The following GPR176 variants were observed in gnomAD, a reference collection of about 807,000 sequenced individuals.
The protein encoded by GPR176 is G protein-coupled receptor 176.
A neutral mutation model predicts 35.4 loss-of-function variants in GPR176; 26 were observed. That is an observed-to-expected ratio of 0.74 (90% confidence interval 0.54 to 1.02). The LOEUF (loss-of-function observed/expected upper bound fraction) is 1.02. Among genes scored for constraint, GPR176 ranks in the 50% least tolerant of loss-of-function variants. The pLI is 0.00. For synonymous variants in GPR176, 278 were observed against 271.3 expected, an observed-to-expected ratio of 1.02 and a Z score of -0.24; for missense variants, 597 against 665.3, an observed-to-expected ratio of 0.90 and a Z score of 1.13.
chr15:39,910,292 T>A (rs1203916062), intron 1 of GPR176, among the ~76,000 whole-genome samples: 1 of 152,164 alleles, frequency 6.6e-6, no homozygotes, highest in Non-Finnish European at 1.5e-5. Flanking sequence ...TCGGTATCAA[T>A]TGGTAAAAAC....
chr15:39,855,550 G>T lies in GPR176; in HGVS notation c.173-48292C>A, dbSNP rs191555265. On this transcript the variant is annotated intron_variant, in intron 1 of 2. Coordinates refer to ENST00000561100, the MANE Select transcript of GPR176 (RefSeq NM_007223.3). ...GGAGCCTCTGGTGAGCACAGCAGCAGGAGTTTTGGTTCTCGCAAGCAGCTG... is the reference window on the plus strand; with the variant it reads ...GGAGCCTCTGGTGAGCACAGCAGCATGAGTTTTGGTTCTCGCAAGCAGCTG... 7.2e-5 allele frequency among the ~76,000 whole-genome samples: 11 copies of T among 152,312 alleles called. No homozygotes were observed. In the East Asian group the frequency reaches 1.4e-3, roughly 19 times the overall value.
At chr15:39,824,715 T>C (rs1227657958) in intron 1 of GPR176, among the ~76,000 whole-genome samples, 2 of 152,188 alleles carry the variant, frequency 1.3e-5, no homozygotes, top group Admixed American at 6.5e-5. Context: ...TTGGGAAGCA[T>C]ATTTCCACTA....
chr15:39,883,569 T>G (rs556386565), intron 1 of GPR176, among the ~76,000 whole-genome samples: 1 of 152,200 alleles, frequency 6.6e-6, no homozygotes, highest in East Asian at 1.9e-4. Flanking sequence ...TTATTAAAAT[T>G]TTTTTACTTC....
At chr15:39,914,534 C>T (rs988007950) in intron 1 of GPR176, among the ~76,000 whole-genome samples, 2 of 151,994 alleles carry the variant, frequency 1.3e-5, no homozygotes, top group South Asian at 2.1e-4. Flanking sequence ...AGGCTGGTCT[C>T]GAACACCTCA....
intron 1 of GPR176, among the ~76,000 whole-genome samples, chr15:39,824,526 T>C (rs275754): frequency 0.56 from 85,786 of 152,168 alleles, 24,458 homozygotes; most frequent in East Asian, 0.74. Context: ...TAGCAATTAT[T>C]ATATTGAGGA....
chr15:39,848,601 C>G (rs936225869), intron 1 of GPR176, among the ~76,000 whole-genome samples: 2 of 151,946 alleles, frequency 1.3e-5, no homozygotes, highest in African/African-American at 4.8e-5. Flanking sequence ...AAATTGAAAT[C>G]ATACAAAGTG....
At chr15:39,810,381 T>C (rs1249254378) in intron 1 of GPR176, among the ~76,000 whole-genome samples, 1 of 152,244 alleles carries the variant, frequency 6.6e-6, no homozygotes, top group Non-Finnish European at 1.5e-5. Flanking sequence ...GCTTGATTGA[T>C]AATGAAGAAC....
rs943272400 is a variant in GPR176 at position 39,839,288 on chromosome 15, A to C, written c.173-32030T>G. Among the ~76,000 whole-genome samples, 36 of 151,520 alleles carry C rather than the reference A, an allele frequency of 2.4e-4. 1 individual carries two copies. The highest frequency in any genetic ancestry group is 1.5e-4 in the Non-Finnish European group (10 of 67,660). ...GCTTGGTACTGGTACCAAAACAGAG[A>C]TATAGAACAGAACAGAGACCTCAGA... On this transcript the variant is annotated intron_variant, in intron 1 of 2. Transcript: ENST00000561100.
chr15:39,885,754 T>C (rs1399931072), intron 1 of GPR176, among the ~76,000 whole-genome samples: 2 of 152,240 alleles, frequency 1.3e-5, no homozygotes, highest in South Asian at 2.1e-4. Flanking sequence ...CATTTGCTTA[T>C]GGCAAGAAAG....
At chr15:39,887,910 A>G (rs1003856490) in intron 1 of GPR176, among the ~76,000 whole-genome samples, 1 of 152,234 alleles carries the variant, frequency 6.6e-6, no homozygotes, top group Admixed American at 6.5e-5. Context: ...GCTCTCTGCC[A>G]TCCTCCTATC....
At chr15:39,805,543 G>A (rs1206123183) in intron 2 of GPR176, among the ~76,000 whole-genome samples, 1 of 152,124 alleles carries the variant, frequency 6.6e-6, no homozygotes, top group Non-Finnish European at 1.5e-5. Context: ...TGCAACTGCT[G>A]AGCGGCTGAT....
At chr15:39,861,988 C>T (rs1865751) in intron 1 of GPR176, 127,761 of 152,100 alleles carry the variant, frequency 0.84, 54,349 homozygotes, top group Middle Eastern at 0.95. Flanking sequence ...ACCCTTTTCT[C>T]CTCCGGAGGC....
intron 1 of GPR176, among the ~76,000 whole-genome samples, chr15:39,882,205 C>T (rs1043923109): frequency 6.6e-5 from 10 of 152,100 alleles, no homozygotes; most frequent in African/African-American, 2.4e-4. Flanking sequence ...ACTGATAAAG[C>T]CAGTCACAAG....
intron 1 of GPR176, among the ~76,000 whole-genome samples, chr15:39,881,422 C>T (rs915605988): frequency 2.6e-5 from 4 of 152,184 alleles, no homozygotes; most frequent in Admixed American, 6.5e-5. Flanking sequence ...AACAGTATAG[C>T]GTTCTCAGGC....
intron 1 of GPR176, among the ~76,000 whole-genome samples, chr15:39,875,782 A>G (rs1420348669): frequency 6.6e-6 from 1 of 151,822 alleles, no homozygotes; most frequent in Non-Finnish European, 1.5e-5. Flanking sequence ...AATTTAAAAT[A>G]CTCCCTTTAT....
At chr15:39,829,468 C>CT (rs1006757391) in intron 1 of GPR176, among the ~76,000 whole-genome samples, 5 of 152,092 alleles carry the variant, frequency 3.3e-5, no homozygotes, top group African/African-American at 9.7e-5. Context: ...AAAGGGTGGG[C>CT]TTGGGGACAC....
chr15:39,896,294 C>A (rs1161356368), intron 1 of GPR176, among the ~76,000 whole-genome samples: 2 of 152,128 alleles, frequency 1.3e-5, no homozygotes, highest in Non-Finnish European at 2.9e-5. Context: ...GTTTCCTAGA[C>A]TAGTCTCAAA....
intron 1 of GPR176, among the ~76,000 whole-genome samples, chr15:39,829,723 T>C (rs1213561432): frequency 6.6e-6 from 1 of 152,106 alleles, no homozygotes; most frequent in East Asian, 1.9e-4. Flanking sequence ...ATTCACCCAT[T>C]CCTCAGTCCC....
chr15:39,829,009 A>G (rs1900879692), intron 1 of GPR176: 1 of 703,522 alleles, frequency 1.4e-6, no homozygotes, highest in Admixed American at 2.0e-5. Flanking sequence ...TATTTGCAAG[A>G]ACTCAATGAG....
Sources: gnomAD v4.1 joint callset for allele counts (sites outside exome capture counted in the v4.1 genomes callset) on GRCh38, gnomAD v4.1.1 for gene constraint, MANE v1.5 for transcripts, NCBI Gene and HGNC (gene_info 2026-07-23, HGNC 2026-07-21) for gene names.